Variants in MAP3K9 observed in about 807,000 individuals in gnomAD.
The protein encoded by MAP3K9 is mixed lineage kinase 1 (tyr and ser/thr specificity).
MAP3K9 carries 46 observed loss-of-function variants against 95.8 expected under a neutral mutation model. The observed-to-expected ratio is 0.48, with a 90% CI of 0.38 to 0.61. The LOEUF is 0.61. Among genes scored for constraint, MAP3K9 ranks in the 20% least tolerant of loss-of-function variants. The pLI, the probability that MAP3K9 is intolerant of heterozygous loss-of-function variation, is 0.00. For missense variants in MAP3K9, 1,296 were observed against 1,474.3 expected (o/e 0.88, Z 1.98); for synonymous variants, 533 against 593.8 (o/e 0.90, Z 1.49).
intron 2 of MAP3K9, among the ~76,000 whole-genome samples, chr14:70,769,394 T>C (rs541288335): frequency 2.0e-5 from 3 of 152,332 alleles, no homozygotes; most frequent in Non-Finnish European, 4.4e-5. Context: ...CTCTTTATGA[T>C]TTTACCAGCT....
Position 70,723,252 on chromosome 14 carries a change from A to C in MAP3K9, c.*7128T>G, listed in dbSNP as rs2053776785. The C allele has an allele frequency of 6.6e-6, 1 of 152,402 alleles. No individual in the cohort carries two copies. The highest frequency in any genetic ancestry group is 1.5e-5 in the Non-Finnish European group (1 of 68,202). 9.4% of individuals were successfully genotyped at this position (152,402 alleles called of 1,614,324 possible). A position where few individuals can be genotyped will look rare whatever the true frequency, so the allele number is the denominator to read the frequency against. Reference sequence around the variant, plus strand: ...AGAAAAGTGAGGAGAAGCTGGAATGAAGAGCAGCAACAGGGCACCTGCAGG... The same window carrying C: ...AGAAAAGTGAGGAGAAGCTGGAATGCAGAGCAGCAACAGGGCACCTGCAGG... On this transcript the variant is annotated 3_prime_UTR_variant, in exon 12 of 12. Coordinates refer to ENST00000554752, the MANE Select transcript of MAP3K9 (RefSeq NM_001284230.2).
chr14:70,733,419 C>T, intron 10 of MAP3K9, 77 bp from the exon 11 acceptor site: 1 of 670,486 alleles, frequency 1.5e-6, no homozygotes. Context: ...GCCCTTTCCC[C>T]TCACCCCAGG....
At chr14:70,761,657 A>G (rs747052197) in intron 2 of MAP3K9, among the ~76,000 whole-genome samples, 48 of 152,264 alleles carry the variant, frequency 3.2e-4, no homozygotes, top group Non-Finnish European at 6.5e-4. Flanking sequence ...CTCAATAATC[A>G]TGTCCTCAAA....
chr14:70,800,608 G>T (rs533140326), intron 2 of MAP3K9, 59 bp downstream of exon 2: 1 of 1,544,900 alleles, frequency 6.5e-7, no homozygotes, highest in Non-Finnish European at 8.8e-7. Flanking sequence ...TCCTACTGAC[G>T]TCGTGGGATA....
In MAP3K9 at chr14:70,761,126, T is replaced by C; in HGVS notation, c.877A>G (p.Thr293Ala). 1.9e-6 allele frequency: 3 copies of C among 1,614,180 alleles called. No individual in the cohort carries two copies. Among genetic ancestry groups the C allele is most frequent in the Non-Finnish European group, 2.5e-6 (3 of 1,180,024 alleles). Residue 293 changes from threonine (T) to alanine (A), a missense_variant, in exon 3 of 12, where the codon ACT (threonine) becomes GCT (alanine). This residue lies in a region of MAP3K9 where 136 missense variants were observed against 221.5 expected (regional missense o/e 0.61). Transcript: ENST00000554752. ...GDLSNKILKI[T>A]DFGLAREWHR... is the part of the protein sequence containing the mutation. ...CATTCCCGAGCCAGGCCAAAATCAG[T>C]GATCTTCAGAATCTTGTTGCTCAGG...
At chr14:70,738,195 G>A (rs759403735) in intron 8 of MAP3K9, 50 bp downstream of exon 8, 1 of 1,519,734 alleles carries the variant, frequency 6.6e-7, no homozygotes, top group South Asian at 1.3e-5. Context: ...ATGTTTAAAT[G>A]GTACATCCAT....
chr14:70,748,199 A>G (rs2054176684), intron 5 of MAP3K9, among the ~76,000 whole-genome samples: 1 of 151,808 alleles, frequency 6.6e-6, no homozygotes, highest in African/African-American at 2.4e-5. Flanking sequence ...TCCTGCCCCT[A>G]TATAAGCAAT....
intron 5 of MAP3K9, among the ~76,000 whole-genome samples, chr14:70,744,465 A>AT (rs769018944): frequency 1.3e-5 from 2 of 152,144 alleles, no homozygotes; most frequent in African/African-American, 2.4e-5. Flanking sequence ...TAAAATATAA[A>AT]TATGTTTCCA....
At position 70,742,371 on chromosome 14, in the gene MAP3K9, T is replaced by A. The variant is rs1452334418; in HGVS notation, c.1547A>T (p.Asn516Ile). The change falls in exon 6 of 12, where the codon AAC (asparagine) becomes ATC (isoleucine). Residue 516 changes from asparagine to isoleucine, a missense_variant. By Grantham distance (149) the Asn-to-Ile change is moderately radical (BLOSUM62 -3). Transcript: ENST00000554752. ...RKSRLKLKDG[N>I]RISLPSDFQH... ...CTGACCAGAAGGGAGGCTGATGCGG[T>A]TGCCATCCTTGAGCTTCAGCCGGCT... The A allele has an allele frequency of 6.2e-7, 1 of 1,614,040 alleles. No homozygotes were observed.
In MAP3K9 at chr14:70,728,634, C is replaced by G. The variant is rs965829174; in HGVS notation, c.*1746G>C. The G allele has an allele frequency of 6.6e-6, 1 of 152,228 alleles. No individual in the cohort carries two copies. The highest frequency in any genetic ancestry group is 1.5e-5 in the Non-Finnish European group (1 of 68,072). The allele number at this position is 152,228 out of a possible 1,614,324, so 9.4% of individuals were successfully genotyped here. ...AAACCTTGGGCAATAAAACCAGTAG[C>G]GCCTTCCCGTCCAAGACTTGGTGGG... is the stretch of plus-strand genomic sequence containing the variant. On this transcript the variant is annotated 3_prime_UTR_variant, in exon 12 of 12. Coordinates refer to ENST00000554752, the MANE Select transcript of MAP3K9 (RefSeq NM_001284230.2).
chr14:70,805,713 G>C (rs1441667133), intron 1 of MAP3K9, among the ~76,000 whole-genome samples: 1 of 152,112 alleles, frequency 6.6e-6, no homozygotes, highest in African/African-American at 2.4e-5. Flanking sequence ...GAAGCCAAGA[G>C]TTTGAAACCA....
chr14:70,730,329 T>C lies in MAP3K9; in HGVS notation c.*51A>G. The C allele has an allele frequency of 6.4e-7, 1 of 1,562,780 alleles. No homozygotes were observed. The highest frequency in any genetic ancestry group is 1.2e-5 in the South Asian group (1 of 83,222). On this transcript the variant is annotated 3_prime_UTR_variant, in exon 12 of 12. Coordinates refer to ENST00000554752, the MANE Select transcript of MAP3K9 (RefSeq NM_001284230.2). ...CTGAGAAAGGGCTGTGCCCGCCAGC[T>C]CCCCTCATCTCCGCTGGCTGTCCCC...
intron 5 of MAP3K9, among the ~76,000 whole-genome samples, chr14:70,747,782 T>C (rs2054167946): frequency 6.6e-6 from 1 of 152,198 alleles, no homozygotes; most frequent in Non-Finnish European, 1.5e-5. Flanking sequence ...ATTTTAGCTA[T>C]CATTATTATC....
chr14:70,736,872 A>G (rs946482840), intron 8 of MAP3K9, among the ~76,000 whole-genome samples: 2 of 152,236 alleles, frequency 1.3e-5, no homozygotes, highest in Non-Finnish European at 2.9e-5. Flanking sequence ...CTAGTGATTT[A>G]CAAAGCCTAG....
chr14:70,746,026 C>T (rs1348009478), intron 5 of MAP3K9, among the ~76,000 whole-genome samples: 1 of 152,150 alleles, frequency 6.6e-6, no homozygotes, highest in Non-Finnish European at 1.5e-5. Flanking sequence ...GTTTCTCTGT[C>T]CTATGACTTT....
At chr14:70,756,983 CAACTT>C (rs2054306945) in intron 3 of MAP3K9, among the ~76,000 whole-genome samples, 1 of 152,156 alleles carries the variant, frequency 6.6e-6, no homozygotes, top group Admixed American at 6.5e-5. Flanking sequence ...GTATACAACT[CAACTT>C]AATGAGATCA....
chr14:70,739,790 T>A (rs1457120891), intron 7 of MAP3K9: 2 of 1,191,340 alleles, frequency 1.7e-6, no homozygotes, highest in East Asian at 2.6e-5. Context: ...CCACTAAAGA[T>A]CCCATTAGTA....
rs1361121904 is a variant in MAP3K9, at chr14:70,725,531, G to A, written c.*4849C>T. ...CCTGCCTTCCAACACCAGCACCTGA[G>A]TGGTGAGCACCCACCCAGGTAGCAA... On this transcript the variant is annotated 3_prime_UTR_variant, in exon 12 of 12. Coordinates refer to ENST00000554752, the MANE Select transcript of MAP3K9 (RefSeq NM_001284230.2). 4 of 152,190 alleles carry A rather than the reference G, an allele frequency of 2.6e-5. No individual in the cohort carries two copies. The highest frequency in any genetic ancestry group is 5.9e-5 in the Non-Finnish European group (4 of 68,034). The allele number at this position is 152,190 out of a possible 1,614,324, so 9.4% of individuals were successfully genotyped here. A position where few individuals can be genotyped will look rare whatever the true frequency, so the allele number is the denominator to read the frequency against.
intron 5 of MAP3K9, among the ~76,000 whole-genome samples, chr14:70,746,942 G>C (rs192933601): frequency 9.8e-5 from 15 of 152,312 alleles, no homozygotes; most frequent in Admixed American, 9.8e-4. Context: ...TATTTAGTGA[G>C]AGGAACAGTC....
Sources: gnomAD v4.1 joint callset for allele counts (sites outside exome capture counted in the v4.1 genomes callset) on GRCh38, gnomAD v4.1.1 for gene constraint, gnomAD v4.1.1 regional missense constraint, MANE v1.5 for transcripts, NCBI Gene and HGNC (gene_info 2026-07-23, HGNC 2026-07-21) for gene names.